Variants in ACOXL observed in about 807,000 individuals in gnomAD.
ACOXL encodes acyl-CoA oxidase like, also known as acyl-coenzyme A oxidase-like protein.
Under a neutral mutation model 71.9 loss-of-function variants are expected in ACOXL, and 70 were observed. The observed-to-expected ratio is 0.97, with a 90% CI of 0.80 to 1.19. ACOXL has a LOEUF of 1.19. Among genes scored for constraint, ACOXL ranks in the 50% most tolerant of loss-of-function variants. ACOXL has a pLI of 0.00. For synonymous variants in ACOXL, 253 were observed against 281.6 expected (o/e 0.90, Z 1.02); for missense variants, 703 against 736.3 (o/e 0.95, Z 0.52).
chr2:110,799,600 G>A (rs772177050), intron 7 of ACOXL, among the ~76,000 whole-genome samples: 14 of 152,202 alleles, frequency 9.2e-5, no homozygotes, highest in African/African-American at 3.4e-4. Context: ...CCAAGATGAC[G>A]GTATCAGCAG....
At chr2:111,006,827 G>A (rs1253710090) in intron 14 of ACOXL, among the ~76,000 whole-genome samples, 28 of 152,062 alleles carry the variant, frequency 1.8e-4, no homozygotes. Context: ...CCAAAGTGCT[G>A]GGATTACAGG....
intron 11 of ACOXL, among the ~76,000 whole-genome samples, chr2:110,913,476 A>T (rs970972301): frequency 1.3e-5 from 2 of 152,230 alleles, no homozygotes; most frequent in Non-Finnish European, 2.9e-5. Context: ...CCTTGAAAAC[A>T]TTATGCTAAG....
At chr2:110,810,009 C>A (rs1687117876) in intron 9 of ACOXL, among the ~76,000 whole-genome samples, 1 of 152,202 alleles carries the variant, frequency 6.6e-6, no homozygotes, top group African/African-American at 2.4e-5. Context: ...GGCTCCTGGT[C>A]ATCCGGCTCT....
intron 1 of ACOXL, among the ~76,000 whole-genome samples, chr2:110,749,670 G>T (rs544550670): frequency 3.3e-5 from 5 of 152,260 alleles, no homozygotes; most frequent in Non-Finnish European, 7.3e-5. Flanking sequence ...GGAGGTTGCA[G>T]TGAGCCGAGA....
At chr2:110,967,117 A>G (rs1311520462) in intron 12 of ACOXL, among the ~76,000 whole-genome samples, 1 of 152,250 alleles carries the variant, frequency 6.6e-6, no homozygotes, top group Non-Finnish European at 1.5e-5. Context: ...AGTACCCACT[A>G]TAAAAGTGTT....
At chr2:110,827,401 G>T (rs936001915) in intron 9 of ACOXL, among the ~76,000 whole-genome samples, 4 of 152,208 alleles carry the variant, frequency 2.6e-5, no homozygotes, top group Non-Finnish European at 5.9e-5. Flanking sequence ...GCTGGCATGT[G>T]GCGGGCCGTG....
chr2:110,738,488 G>C (rs945870946), intron 1 of ACOXL, among the ~76,000 whole-genome samples: 1 of 152,112 alleles, frequency 6.6e-6, no homozygotes, highest in Non-Finnish European at 1.5e-5. Flanking sequence ...TAGAGTTCTA[G>C]GCTGGAAATA....
chr2:110,783,203 A>G (rs1683554746), intron 2 of ACOXL, among the ~76,000 whole-genome samples: 1 of 152,178 alleles, frequency 6.6e-6, no homozygotes, highest in African/African-American at 2.4e-5. Flanking sequence ...CTGTCCTGTT[A>G]GCCTCCCGTG....
At chr2:110,807,813 C>G (rs935370436) in intron 9 of ACOXL, among the ~76,000 whole-genome samples, 2 of 152,220 alleles carry the variant, frequency 1.3e-5, no homozygotes, top group Non-Finnish European at 2.9e-5. Context: ...GATGGTCCTT[C>G]TCCTTCTGCT....
intron 10 of ACOXL, among the ~76,000 whole-genome samples, chr2:110,850,988 C>A (rs1479611540): frequency 1.3e-5 from 2 of 152,150 alleles, no homozygotes; most frequent in African/African-American, 4.8e-5. Flanking sequence ...AATAAAAAGA[C>A]ATTCTGCTGA....
chr2:110,957,822 C>T (rs572367640), intron 12 of ACOXL, among the ~76,000 whole-genome samples: 5 of 151,946 alleles, frequency 3.3e-5, no homozygotes, highest in Admixed American at 1.3e-4. Flanking sequence ...TTTGGGAGGC[C>T]GAGGCGGGCG....
At chr2:110,794,933 A>G (rs1685104701) in intron 5 of ACOXL, among the ~76,000 whole-genome samples, 1 of 151,630 alleles carries the variant, frequency 6.6e-6, no homozygotes, top group African/African-American at 2.4e-5. Context: ...TTTAACTCCT[A>G]CACGCACCCC....
intron 1 of ACOXL, among the ~76,000 whole-genome samples, chr2:110,738,363 T>C (rs1193411300): frequency 6.6e-6 from 1 of 152,212 alleles, no homozygotes; most frequent in Non-Finnish European, 1.5e-5. Context: ...CAAAACAGTC[T>C]CTTATCTAAT....
intron 12 of ACOXL, among the ~76,000 whole-genome samples, chr2:110,960,030 A>T (rs1157136479): frequency 1.3e-5 from 2 of 152,160 alleles, no homozygotes; most frequent in African/African-American, 4.8e-5. Flanking sequence ...GCTAGAAAGC[A>T]AAGGTGGTGG....
chr2:110,987,253 G>A, intron 13 of ACOXL, 36 bp downstream of exon 13: 1 of 1,534,376 alleles, frequency 6.5e-7, no homozygotes, highest in Non-Finnish European at 8.8e-7. Flanking sequence ...TCTGCCTTCA[G>A]TGGGTTATCA....
In ACOXL at chr2:111,117,894, A is replaced by G. The variant is rs2070470356; in HGVS notation, c.*78A>G. On this transcript the variant is annotated 3_prime_UTR_variant, in exon 18 of 18. Coordinates refer to ENST00000439055, the MANE Select transcript of ACOXL (RefSeq NM_001142807.4). ...CCACCGACGCCCAGAGCTGTGGCCG[A>G]GGCCGGGGGCTGGCACCCGCTGGGC... 1 of 1,452,830 alleles carries G rather than the reference A, an allele frequency of 6.9e-7. No individual in the cohort carries two copies. Among genetic ancestry groups the G allele is most frequent in the Non-Finnish European group, 9.1e-7 (1 of 1,094,734 alleles). The allele number at this position is 1,452,830 out of a possible 1,614,324, so 90.0% of individuals were successfully genotyped here.
chr2:111,056,387 C>A (rs2066539056), intron 16 of ACOXL, among the ~76,000 whole-genome samples: 1 of 152,118 alleles, frequency 6.6e-6, no homozygotes, highest in South Asian at 2.1e-4. Flanking sequence ...CAAAGCTCAG[C>A]TCAAACCAAC....
intron 16 of ACOXL, among the ~76,000 whole-genome samples, chr2:111,051,286 G>C (rs1012865976): frequency 7.2e-5 from 11 of 152,116 alleles, no homozygotes; most frequent in Non-Finnish European, 1.6e-4. Context: ...GGTTTTTGTA[G>C]ATGTTATGTG....
At chr2:111,079,223 G>T (rs1447227452) in intron 16 of ACOXL, among the ~76,000 whole-genome samples, 2 of 152,048 alleles carry the variant, frequency 1.3e-5, no homozygotes, top group Non-Finnish European at 2.9e-5. Context: ...AATGTACATT[G>T]TACCCATTAA....
Sources: allele counts gnomAD v4.1 joint callset (sites outside exome capture counted in the v4.1 genomes callset), GRCh38; gene constraint gnomAD v4.1.1; transcripts MANE v1.5; gene names NCBI Gene and HGNC (gene_info 2026-07-23, HGNC 2026-07-21).